DENND5B: variants seen among roughly 807,000 people sequenced by gnomAD.
DENND5B encodes the protein DENN domain containing 5B, also known as DENN domain-containing protein 5B.
Under a neutral mutation model 140.6 loss-of-function variants are expected in DENND5B, and 34 were observed. The ratio of observed to expected loss-of-function variants is 0.24; its 90% CI spans 0.18 to 0.32. The LOEUF is 0.32. Ranked by LOEUF, DENND5B falls within the 10% of genes least tolerant of loss-of-function variation. DENND5B has a pLI of 1.00. For missense variants in DENND5B, 1,142 were observed against 1,560.2 expected (o/e 0.73, Z 4.52); for synonymous variants, 551 against 562.1 (o/e 0.98, Z 0.28).
At chr12:31,511,908 C>A in intron 1 of DENND5B, among the ~76,000 whole-genome samples, 1 of 147,968 alleles carries the variant, frequency 6.8e-6, no homozygotes, top group Middle Eastern at 3.2e-3. Context: ...ATAAAAACAT[C>A]CCCTCCACTG....
intron 2 of DENND5B, among the ~76,000 whole-genome samples, chr12:31,494,398 C>G (rs1946682246): frequency 6.6e-6 from 1 of 151,986 alleles, no homozygotes; most frequent in South Asian, 2.1e-4. Flanking sequence ...TTAATCAGCA[C>G]TGGTAACTCA....
chr12:31,521,305 C>A (rs1423655596), intron 1 of DENND5B, among the ~76,000 whole-genome samples: 2 of 100,436 alleles, frequency 2.0e-5, no homozygotes, highest in South Asian at 4.0e-4. Context: ...CACTTTAGTA[C>A]AAAAAAACTT....
intron 1 of DENND5B, among the ~76,000 whole-genome samples, chr12:31,561,413 C>T (rs191028993): frequency 2.0e-5 from 3 of 152,210 alleles, no homozygotes; most frequent in South Asian, 2.1e-4. Flanking sequence ...CACCTGAGCC[C>T]GGAAGTTCAA....
At chr12:31,533,950 A>G (rs116948033) in intron 1 of DENND5B, among the ~76,000 whole-genome samples, 38 of 152,036 alleles carry the variant, frequency 2.5e-4, no homozygotes, top group Non-Finnish European at 4.4e-4. Context: ...CTTCTGGTTT[A>G]AAATGAAAGT....
chr12:31,467,900 T>C (rs1945352096), intron 3 of DENND5B, among the ~76,000 whole-genome samples: 1 of 151,600 alleles, frequency 6.6e-6, no homozygotes, highest in Non-Finnish European at 1.5e-5. Flanking sequence ...ATTCAAAACA[T>C]CAAAAACAGA....
intron 2 of DENND5B, among the ~76,000 whole-genome samples, chr12:31,493,713 C>G (rs751324246): frequency 1.2e-4 from 19 of 152,164 alleles, no homozygotes; most frequent in Non-Finnish European, 2.1e-4. Flanking sequence ...CGCCTGTAAT[C>G]TCAGCTACTC....
intron 11 of DENND5B, 84 bp from the exon 12 acceptor site, chr12:31,415,532 A>G: frequency 9.0e-7 from 1 of 1,111,856 alleles, no homozygotes; most frequent in Non-Finnish European, 1.3e-6. Context: ...AACTGCTTCG[A>G]TAAGAACAAA....
chr12:31,409,490 T>C lies in DENND5B; in HGVS notation c.2682-106A>G, dbSNP rs1160297475. 4 of 1,265,166 alleles carry C rather than the reference T, an allele frequency of 3.2e-6. No homozygotes were observed. In the African/African-American group the frequency reaches 6.4e-5, roughly 20 times the overall value. 78.4% of individuals were successfully genotyped at this position (1,265,166 alleles called of 1,614,324 possible). A position where few individuals can be genotyped will look rare whatever the true frequency, so the allele number is the denominator to read the frequency against. On this transcript the variant is annotated intron_variant, in intron 13 of 20. Coordinates refer to ENST00000389082, the MANE Select transcript of DENND5B (RefSeq NM_144973.4). ...TCATTATGTCTTTTTTTTTTTTTTT[T>C]TTTTTTAAACAGAGTTTCTCTCTTG...
intron 14 of DENND5B, among the ~76,000 whole-genome samples, chr12:31,408,214 G>T (rs879828289): frequency 6.6e-6 from 1 of 151,980 alleles, no homozygotes; most frequent in African/African-American, 2.4e-5. Context: ...CAGGAGAATC[G>T]CTTGATCCCA....
chr12:31,528,754 C>T (rs536032986), intron 1 of DENND5B, among the ~76,000 whole-genome samples: 1 of 152,268 alleles, frequency 6.6e-6, no homozygotes, highest in South Asian at 2.1e-4. Flanking sequence ...CCAATTCTAA[C>T]TGGAGATGTT....
At chr12:31,500,939 G>T (rs569974139) in intron 1 of DENND5B, among the ~76,000 whole-genome samples, 1 of 152,236 alleles carries the variant, frequency 6.6e-6, no homozygotes, top group South Asian at 2.1e-4. Flanking sequence ...TCCAGGAGGA[G>T]TAACCTATAG....
intron 1 of DENND5B, among the ~76,000 whole-genome samples, chr12:31,581,664 G>A (rs1245043608): frequency 1.4e-5 from 2 of 140,252 alleles, no homozygotes; most frequent in Non-Finnish European, 1.5e-5. Flanking sequence ...TTGCCCTCCA[G>A]CCTGGGCAAC....
intron 1 of DENND5B, among the ~76,000 whole-genome samples, chr12:31,581,479 G>T (rs10843970): frequency 2.0e-5 from 3 of 151,742 alleles, no homozygotes; most frequent in Non-Finnish European, 2.9e-5. Context: ...ACCTGAGGTC[G>T]GGAGCCCGAG....
Position 31,433,699 on chromosome 12 carries a change from T to G in DENND5B, c.2013-451A>C, listed in dbSNP as rs149568260. The stretch of plus-strand genomic sequence containing the variant: ...ACTTAATTCTAGCGTCCTAAAAGAA[T>G]AGAAATGTATGAAGCTTCCAACCTT... On this transcript the variant is annotated intron_variant, in intron 7 of 20. Coordinates refer to ENST00000389082, the MANE Select transcript of DENND5B (RefSeq NM_144973.4). 3.7e-4 allele frequency among the ~76,000 whole-genome samples: 57 copies of G among 152,274 alleles called. No homozygotes were observed. The East Asian group carries it at 0.01, about 27-fold the overall frequency.
chr12:31,569,265 CA>C (rs1273793058), intron 1 of DENND5B, among the ~76,000 whole-genome samples: 1 of 151,822 alleles, frequency 6.6e-6, no homozygotes, highest in African/African-American at 2.4e-5. Flanking sequence ...GATGGAGTTT[CA>C]CCATGCTGCG....
intron 12 of DENND5B, among the ~76,000 whole-genome samples, chr12:31,413,775 C>T (rs764557374): frequency 5.3e-5 from 8 of 152,182 alleles, no homozygotes; most frequent in African/African-American, 1.4e-4. Context: ...CACAAGCACA[C>T]GGACAATGTG....
intron 3 of DENND5B, among the ~76,000 whole-genome samples, chr12:31,464,433 ATC>A (rs1945163355): frequency 6.6e-6 from 1 of 152,174 alleles, no homozygotes; most frequent in African/African-American, 2.4e-5. Context: ...ACAGTACCCT[ATC>A]TTTATTTCCA....
At chr12:31,480,542 C>T (rs1187277201) in intron 2 of DENND5B, among the ~76,000 whole-genome samples, 1 of 152,178 alleles carries the variant, frequency 6.6e-6, no homozygotes, top group Admixed American at 6.5e-5. Flanking sequence ...CCAGAGTAAA[C>T]CTCTAACCAA....
At chr12:31,522,707 TG>T (rs2139015057) in intron 1 of DENND5B, among the ~76,000 whole-genome samples, 1 of 152,314 alleles carries the variant, frequency 6.6e-6, no homozygotes, top group Non-Finnish European at 1.5e-5. Flanking sequence ...GGCCTCACCC[TG>T]GGACTACAGG....
Sources: gnomAD v4.1 joint callset for allele counts (sites outside exome capture counted in the v4.1 genomes callset) on GRCh38, gnomAD v4.1.1 for gene constraint, MANE v1.5 for transcripts, NCBI Gene and HGNC (gene_info 2026-07-23, HGNC 2026-07-21) for gene names.